Variants in TRIM5 observed in about 807,000 individuals in gnomAD.
TRIM5 encodes the protein tripartite motif-containing protein 5.
Under a neutral mutation model 35.6 loss-of-function variants are expected in TRIM5, and 31 were observed. The observed-to-expected ratio is 0.87, with a 90% CI of 0.65 to 1.18. The LOEUF is 1.18. Ranked by LOEUF, TRIM5 falls within the 50% of genes most tolerant of loss-of-function variation. TRIM5 has a pLI of 0.00. For missense variants in TRIM5, 609 were observed against 591.6 expected (o/e 1.03, Z -0.31); for synonymous variants, 243 against 215.6 (o/e 1.13, Z -1.11).
the TRIM5 span, among the ~76,000 whole-genome samples, chr11:5,653,477 A>G: frequency 0.63 from 93,554 of 148,446 alleles, 29,803 homozygotes; most frequent in African/African-American, 0.76. Flanking sequence ...GTTTTTTCCG[A>G]TTTTTTTTTG....
the TRIM5 span, among the ~76,000 whole-genome samples, chr11:5,601,797 T>C: frequency 6.6e-6 from 1 of 152,052 alleles, no homozygotes; most frequent in Non-Finnish European, 1.5e-5. Context: ...TTGTGGCCAT[T>C]GCTGTTTCTT....
the TRIM5 span, among the ~76,000 whole-genome samples, chr11:5,626,394 G>A: frequency 3.7e-4 from 57 of 152,208 alleles, no homozygotes; most frequent in African/African-American, 1.4e-3. Flanking sequence ...TAATGACTCT[G>A]TAAAGACCTC....
the TRIM5 span, among the ~76,000 whole-genome samples, chr11:5,653,729 G>A: frequency 2.1e-3 from 320 of 152,140 alleles, 2 homozygotes; most frequent in African/African-American, 6.8e-3. Context: ...CTGACATCGT[G>A]ATCCACCTGC....
chr11:5,610,499 C>G, the TRIM5 span: 5 of 1,613,964 alleles, frequency 3.1e-6, no homozygotes, highest in Non-Finnish European at 4.2e-6. Context: ...GACAGTTGGT[C>G]CTATTCAACA....
the TRIM5 span, among the ~76,000 whole-genome samples, chr11:5,593,404 A>T: frequency 6.6e-6 from 1 of 152,230 alleles, no homozygotes; most frequent in Non-Finnish European, 1.5e-5. Context: ...AGTTGTACTG[A>T]AAAAATATAC....
chr11:5,656,713 C>A, the TRIM5 span, among the ~76,000 whole-genome samples: 2 of 152,006 alleles, frequency 1.3e-5, no homozygotes, highest in Non-Finnish European at 2.9e-5. Flanking sequence ...TGAAAAAAAA[C>A]CCATCATCAC....
chr11:5,618,303 A>G, the TRIM5 span, among the ~76,000 whole-genome samples: 24 of 151,240 alleles, frequency 1.6e-4, no homozygotes, highest in Non-Finnish European at 3.0e-5. Context: ...CCAGGAGGCA[A>G]AGGTTGCAGT....
At chr11:5,666,692 T>C (rs573174643) in intron 5 of TRIM5, among the ~76,000 whole-genome samples, 1 of 152,326 alleles carries the variant, frequency 6.6e-6, no homozygotes, top group Admixed American at 6.5e-5. Context: ...ACTAAACTAT[T>C]ACTGGCCTGA....
the TRIM5 span, chr11:5,605,689 A>G: frequency 2.5e-6 from 3 of 1,202,350 alleles, no homozygotes; most frequent in East Asian, 2.5e-5. Context: ...CTTTGGCGCT[A>G]TAGTGCCTAT....
At chr11:5,654,838 C>T in the TRIM5 span, among the ~76,000 whole-genome samples, 36 of 152,054 alleles carry the variant, frequency 2.4e-4, no homozygotes, top group Non-Finnish European at 1.5e-5. Context: ...AATAACACCA[C>T]AAAAATAGCA....
At chr11:5,651,047 A>C in the TRIM5 span, among the ~76,000 whole-genome samples, 2 of 152,172 alleles carry the variant, frequency 1.3e-5, no homozygotes, top group African/African-American at 4.8e-5. Context: ...TTTTCAAGTA[A>C]CTTAGTAAAT....
At chr11:5,637,172 A>G in the TRIM5 span, among the ~76,000 whole-genome samples, 3 of 149,286 alleles carry the variant, frequency 2.0e-5, no homozygotes, top group Admixed American at 1.3e-4. Flanking sequence ...GACTCAGTCT[A>G]AAAAAAAAAG....
the TRIM5 span, chr11:5,604,463 A>C: frequency 6.6e-7 from 1 of 1,516,058 alleles, no homozygotes; most frequent in Non-Finnish European, 8.9e-7. Flanking sequence ...TCTCTGTCCC[A>C]TTCATTCTAT....
chr11:5,664,784 G>A lies in TRIM5; in HGVS notation c.*25C>T. 6.4e-7 allele frequency: 1 copy of A among 1,557,270 alleles called. No individual in the cohort carries two copies. Among genetic ancestry groups the A allele is most frequent in the Non-Finnish European group, 8.6e-7 (1 of 1,157,274 alleles). On this transcript the variant is annotated 3_prime_UTR_variant, in exon 8 of 8. Coordinates refer to ENST00000380034, the MANE Select transcript of TRIM5 (RefSeq NM_033034.3). ...GCACCTGGACAAGAGGTGCTGTACA[G>A]AAGGGGCTGAGTGTGTAAGAAGGTT... is the stretch of plus-strand genomic sequence containing the variant.
chr11:5,679,634 T>C (rs527959283), intron 2 of TRIM5, 127 bp downstream of exon 2: 4 of 1,016,026 alleles, frequency 3.9e-6, no homozygotes, highest in East Asian at 2.5e-5. Context: ...AAGTTAAGCA[T>C]AGCATGAAAA....
downstream of TRIM5, among the ~76,000 whole-genome samples, chr11:5,659,753 CT>C (rs755017850): frequency 3.9e-3 from 554 of 140,832 alleles, 3 homozygotes; most frequent in African/African-American, 7.4e-3. Context: ...TCTCTGAAGC[CT>C]TTTTTTTTTT....
the TRIM5 span, among the ~76,000 whole-genome samples, chr11:5,622,482 C>T: frequency 2.7e-5 from 2 of 73,700 alleles, no homozygotes; most frequent in East Asian, 1.3e-3. Context: ...ATTAGCTGGA[C>T]GTGGTGGCGC....
chr11:5,660,045 C>T (rs774995464), downstream of TRIM5, among the ~76,000 whole-genome samples: 17 of 151,948 alleles, frequency 1.1e-4, no homozygotes, highest in Admixed American at 8.5e-4. Context: ...GGCGAGATCT[C>T]GGCTCACTGC....
the TRIM5 span, among the ~76,000 whole-genome samples, chr11:5,602,727 G>GAGCATC: frequency 6.6e-6 from 1 of 151,732 alleles, no homozygotes; most frequent in African/African-American, 2.4e-5. Context: ...GCCAAGGCAG[G>GAGCATC]AGCATCACTT....
Sources: allele counts gnomAD v4.1 joint callset (sites outside exome capture counted in the v4.1 genomes callset), GRCh38; gene constraint gnomAD v4.1.1; transcripts MANE v1.5; gene names NCBI Gene and HGNC (gene_info 2026-07-23, HGNC 2026-07-21).